BAZ1A: variants seen among roughly 807,000 people sequenced by gnomAD.
BAZ1A encodes the protein bromodomain adjacent to zinc finger domain 1A.
In BAZ1A, 50 loss-of-function variants were observed where a neutral mutation model predicts 185.2. The ratio of observed to expected loss-of-function variants is 0.27; its 90% confidence interval spans 0.22 to 0.34. The LOEUF (loss-of-function observed/expected upper bound fraction) is 0.34. Among genes scored for constraint, BAZ1A ranks in the 10% least tolerant of loss-of-function variants. The pLI is 1.00. For synonymous variants in BAZ1A, 571 were observed against 615.6 expected (o/e 0.93, Z 1.07); for missense variants, 1,356 against 1,839.9 (o/e 0.74, Z 4.81).
intron 4 of BAZ1A, among the ~76,000 whole-genome samples, chr14:34,813,526 T>C (rs918642189): frequency 1.1e-4 from 16 of 151,696 alleles, no homozygotes; most frequent in African/African-American, 3.6e-4. Flanking sequence ...CTACTAAAAA[T>C]ACAAAAAGTT....
chr14:34,813,430 C>A (rs1182184006), intron 4 of BAZ1A, among the ~76,000 whole-genome samples: 1 of 152,096 alleles, frequency 6.6e-6, no homozygotes, highest in African/African-American at 2.4e-5. Flanking sequence ...CGCCTGTAAT[C>A]CCAGCACTTT....
intron 4 of BAZ1A, among the ~76,000 whole-genome samples, chr14:34,815,890 T>C (rs1594868516): frequency 6.6e-6 from 1 of 152,110 alleles, no homozygotes; most frequent in African/African-American, 2.4e-5. Context: ...TTTAAAATGC[T>C]AATGTTATTT....
chr14:34,826,912 G>A (rs1258167669), intron 3 of BAZ1A, among the ~76,000 whole-genome samples: 1 of 152,138 alleles, frequency 6.6e-6, no homozygotes, highest in Non-Finnish European at 1.5e-5. Flanking sequence ...AATTAACTGG[G>A]GGCCCAGACA....
At chr14:34,809,313 C>T (rs2041895028) in intron 5 of BAZ1A, among the ~76,000 whole-genome samples, 1 of 152,154 alleles carries the variant, frequency 6.6e-6, no homozygotes, top group African/African-American at 2.4e-5. Context: ...TTGTTGACTA[C>T]TGAAGAAACT....
chr14:34,850,911 T>G (rs1026861005), intron 3 of BAZ1A, among the ~76,000 whole-genome samples: 1 of 152,104 alleles, frequency 6.6e-6, no homozygotes. Context: ...ACTGGTGAAG[T>G]AGAAGAGGTT....
chr14:34,775,403 T>C (rs889965233), intron 18 of BAZ1A, among the ~76,000 whole-genome samples: 5 of 152,234 alleles, frequency 3.3e-5, no homozygotes, highest in Admixed American at 1.3e-4. Flanking sequence ...AATTTATTAA[T>C]ATAAAAACTC....
chr14:34,874,457 A>AC lies in BAZ1A; in HGVS notation c.113+34dup. ...AGAGCGCTGCGGGGGGAGTCCCCACACCCCCCGCGGCCCCGCACACGGCCC... is the reference window on the plus strand; with the variant it reads ...AGAGCGCTGCGGGGGGAGTCCCCACACCCCCCCGCGGCCCCGCACACGGCCC... On this transcript the variant is annotated intron_variant, in intron 2 of 26. Coordinates refer to ENST00000360310, the MANE Select transcript of BAZ1A (RefSeq NM_013448.3). This position sits in a 1 kb window ranked among gnomAD's most constrained non-coding sequence, Gnocchi z 4.7. The AC allele has an allele frequency of 2.6e-6, 4 of 1,546,546 alleles. No individual in the cohort carries two copies. Among genetic ancestry groups the AC allele is most frequent in the Non-Finnish European group, 2.7e-6 (3 of 1,122,392 alleles).
chr14:34,801,460 T>C (rs891678154), intron 7 of BAZ1A, among the ~76,000 whole-genome samples: 2 of 26,512 alleles, frequency 7.5e-5, no homozygotes, highest in Non-Finnish European at 1.9e-4. Flanking sequence ...CCTGGCTAAT[T>C]TTTTTTTGTA....
chr14:34,764,419 A>G (rs1320630620), intron 23 of BAZ1A, among the ~76,000 whole-genome samples: 3 of 150,036 alleles, frequency 2.0e-5, no homozygotes, highest in Non-Finnish European at 4.4e-5. Flanking sequence ...CAGCCTCCCG[A>G]GTAGCTGGGA....
chr14:34,867,166 G>A (rs1441499315), intron 2 of BAZ1A, among the ~76,000 whole-genome samples: 1 of 152,098 alleles, frequency 6.6e-6, no homozygotes, highest in Non-Finnish European at 1.5e-5. Flanking sequence ...GGCTGAGGCA[G>A]GAAAATCACC....
At chr14:34,844,436 T>A (rs1049398082) in intron 3 of BAZ1A, among the ~76,000 whole-genome samples, 9 of 152,006 alleles carry the variant, frequency 5.9e-5, no homozygotes, top group Admixed American at 2.0e-4. Flanking sequence ...TGTTAAAATG[T>A]CCATCCTACC....
intron 2 of BAZ1A, among the ~76,000 whole-genome samples, chr14:34,867,337 G>A (rs2042877236): frequency 6.6e-6 from 1 of 152,140 alleles, no homozygotes; most frequent in South Asian, 2.1e-4. Flanking sequence ...CACATTTCAA[G>A]TACTTAATAA....
At chr14:34,839,706 G>A (rs2138753175) in intron 3 of BAZ1A, among the ~76,000 whole-genome samples, 1 of 151,516 alleles carries the variant, frequency 6.6e-6, no homozygotes, top group East Asian at 1.9e-4. Context: ...AGCTGGGCGT[G>A]GTGGCGGGTG....
intron 12 of BAZ1A, 147 bp downstream of exon 12, chr14:34,792,628 T>TTTTGTAACAATCCAAATG: frequency 1.1e-6 from 1 of 926,078 alleles, no homozygotes; most frequent in South Asian, 1.6e-5. Flanking sequence ...ATAATCCATT[T>TTTTGTAACAATCCAAATG]GTTGTTAGCA....
chr14:34,810,888 A>G (rs2041919732), intron 5 of BAZ1A, 47 bp downstream of exon 5: 3 of 1,346,454 alleles, frequency 2.2e-6, no homozygotes, highest in South Asian at 1.2e-5. Flanking sequence ...TCTAACATAC[A>G]TAATTATTCT....
chr14:34,756,109 T>C (rs1224677151), intron 25 of BAZ1A, among the ~76,000 whole-genome samples: 2 of 121,712 alleles, frequency 1.6e-5, no homozygotes, highest in Non-Finnish European at 3.7e-5. Context: ...CCAAACTGGT[T>C]TTTTTCTTTT....
intron 12 of BAZ1A, 93 bp from the exon 13 acceptor site, chr14:34,786,314 G>T: frequency 8.5e-7 from 1 of 1,175,332 alleles, no homozygotes; most frequent in Non-Finnish European, 1.2e-6. Flanking sequence ...AACAGCAAAC[G>T]CCTTAACATT....
At chr14:34,776,938 C>T (rs1289386158) in intron 17 of BAZ1A, among the ~76,000 whole-genome samples, 1 of 152,110 alleles carries the variant, frequency 6.6e-6, no homozygotes, top group Non-Finnish European at 1.5e-5. Flanking sequence ...TTTAACCCAC[C>T]CCAGTCTGTG....
At position 34,875,142 on chromosome 14, in the gene BAZ1A, G is replaced by C; in HGVS notation, c.-63C>G. 1 of 401,440 alleles carries C rather than the reference G, an allele frequency of 2.5e-6. No individual in the cohort carries two copies. The highest frequency in any genetic ancestry group is 5.0e-6 in the Non-Finnish European group (1 of 198,026). 24.9% of individuals were successfully genotyped at this position (401,440 alleles called of 1,614,324 possible). ...CGGCTCCCGAGCGACCCTCACCTGC[G>C]ATCACGCCGACTGCCACTTGTCCAC... is the stretch of plus-strand genomic sequence containing the variant. On this transcript the variant is annotated 5_prime_UTR_variant, in exon 1 of 27. It adds an upstream start codon to the 5' untranslated region. Transcript: ENST00000360310.
Sources: gnomAD v4.1 joint callset for allele counts (sites outside exome capture counted in the v4.1 genomes callset) on GRCh38, gnomAD v4.1.1 for gene constraint, Gnocchi (gnomAD v3.1) non-coding constraint, MANE v1.5 for transcripts, NCBI Gene and HGNC (gene_info 2026-07-23, HGNC 2026-07-21) for gene names.